The following CTNNA3 variants were observed in gnomAD, a reference collection of about 807,000 sequenced individuals.
CTNNA3 encodes catenin alpha-3.
A neutral mutation model predicts 95.7 loss-of-function variants in CTNNA3; 76 were observed. The ratio of observed to expected loss-of-function variants is 0.79; its 90% CI spans 0.66 to 0.96. The LOEUF is 0.96. Among genes scored for constraint, CTNNA3 ranks in the 40% least tolerant of loss-of-function variants. The pLI is 0.00. For missense variants in CTNNA3, 1,191 were observed against 1,089.8 expected, an observed-to-expected ratio of 1.09 and a Z score of -1.31; for synonymous variants, 431 against 374.4, an observed-to-expected ratio of 1.15 and a Z score of -1.74.
At chr10:67,630,149 T>G (rs16924713) in intron 2 of CTNNA3, among the ~76,000 whole-genome samples, 20,206 of 152,094 alleles carry the variant, frequency 0.13, 2,410 homozygotes, top group African/African-American at 0.32. Flanking sequence ...GAGAGCATTA[T>G]GGAGACTTAA....
At chr10:66,313,040 G>A (rs1469171912) in intron 12 of CTNNA3, among the ~76,000 whole-genome samples, 1 of 152,278 alleles carries the variant, frequency 6.6e-6, no homozygotes, top group East Asian at 1.9e-4. Context: ...CCGGACGAAG[G>A]AAAAGGAAGA....
At chr10:66,354,148 G>A (rs2092589167) in intron 12 of CTNNA3, among the ~76,000 whole-genome samples, 1 of 152,022 alleles carries the variant, frequency 6.6e-6, no homozygotes, top group South Asian at 2.1e-4. Flanking sequence ...GCTGGGCATG[G>A]TGGCGGGCGC....
At chr10:67,375,929 C>T (rs533877575) in intron 5 of CTNNA3, among the ~76,000 whole-genome samples, 3 of 152,074 alleles carry the variant, frequency 2.0e-5, no homozygotes, top group African/African-American at 4.8e-5. Context: ...TTCAGGAAGG[C>T]GGAACCCTTA....
At chr10:66,193,850 A>G (rs1041387148) in intron 13 of CTNNA3, among the ~76,000 whole-genome samples, 3 of 152,166 alleles carry the variant, frequency 2.0e-5, no homozygotes, top group African/African-American at 7.2e-5. Context: ...TACTCATTGA[A>G]ATCAATAAGA....
chr10:66,978,400 G>A (rs567783048), intron 7 of CTNNA3, among the ~76,000 whole-genome samples: 116 of 150,868 alleles, frequency 7.7e-4, no homozygotes, highest in Non-Finnish European at 4.0e-4. Flanking sequence ...GGTGGTGGGC[G>A]CCTGTAATCC....
intron 11 of CTNNA3, among the ~76,000 whole-genome samples, chr10:66,504,366 G>T (rs1375930179): frequency 1.3e-5 from 2 of 152,110 alleles, no homozygotes; most frequent in East Asian, 3.9e-4. Context: ...GGTTTTTACC[G>T]GTTTGTTAAA....
At chr10:66,387,341 A>G (rs962478861) in intron 11 of CTNNA3, among the ~76,000 whole-genome samples, 2 of 152,240 alleles carry the variant, frequency 1.3e-5, no homozygotes, top group African/African-American at 4.8e-5. Context: ...GACACATGAA[A>G]AAATGCTCGT....
At chr10:66,820,913 A>T (rs1348088599) in intron 7 of CTNNA3, among the ~76,000 whole-genome samples, 1 of 152,164 alleles carries the variant, frequency 6.6e-6, no homozygotes, top group African/African-American at 2.4e-5. Flanking sequence ...TCCCTCTGGT[A>T]TATACAAAAG....
At chr10:67,170,567 CA>C (rs1016158898) in intron 7 of CTNNA3, among the ~76,000 whole-genome samples, 1 of 152,044 alleles carries the variant, frequency 6.6e-6, no homozygotes, top group Admixed American at 6.6e-5. Flanking sequence ...AGCTAAATGA[CA>C]AGAACTTATA....
chr10:67,726,516 ATATTATAT>A (rs1841224644), intron 1 of CTNNA3, among the ~76,000 whole-genome samples: 1 of 65,954 alleles, frequency 1.5e-5, no homozygotes, highest in African/African-American at 6.5e-5. Flanking sequence ...ATTATATATT[ATATTATAT>A]TATATATATT....
intron 7 of CTNNA3, among the ~76,000 whole-genome samples, chr10:66,978,087 C>G (rs1564808065): frequency 6.6e-6 from 1 of 151,134 alleles, no homozygotes; most frequent in African/African-American, 2.4e-5. Context: ...CACACACACA[C>G]ACACATGCGA....
intron 8 of CTNNA3, among the ~76,000 whole-genome samples, chr10:66,770,714 A>G (rs531861133): frequency 1.3e-5 from 2 of 152,262 alleles, no homozygotes; most frequent in Non-Finnish European, 2.9e-5. Context: ...ATAAAGGAAC[A>G]GAAAGAATGA....
chr10:66,075,155 C>T (rs1028079743), intron 14 of CTNNA3, among the ~76,000 whole-genome samples: 11 of 151,700 alleles, frequency 7.3e-5, no homozygotes, highest in Non-Finnish European at 3.0e-5. Flanking sequence ...TTCATATCTG[C>T]TTATTAATTG....
chr10:67,446,929 C>G (rs1259196196), intron 5 of CTNNA3, among the ~76,000 whole-genome samples: 2 of 152,130 alleles, frequency 1.3e-5, no homozygotes, highest in African/African-American at 2.4e-5. Context: ...CACGGTGAAA[C>G]CCCGTCTCTC....
At chr10:65,990,565 TG>T (rs2133333111) in intron 15 of CTNNA3, among the ~76,000 whole-genome samples, 1 of 151,872 alleles carries the variant, frequency 6.6e-6, no homozygotes, top group South Asian at 2.1e-4. Flanking sequence ...GCCCGCTTTT[TG>T]ATGGGATTAT....
chr10:65,948,296 A>AAG (rs2077554821), intron 17 of CTNNA3, among the ~76,000 whole-genome samples: 3 of 141,280 alleles, frequency 2.1e-5, no homozygotes, highest in South Asian at 2.3e-4. Flanking sequence ...AAAAAAAAAA[A>AAG]AAAGAAAGAA....
chr10:66,071,037 G>A lies in CTNNA3; in HGVS notation c.1978-1548C>T, dbSNP rs139036161. Among the ~76,000 whole-genome samples the A allele has an allele frequency of 9.1e-3, 1,393 of 152,256 alleles. 6 individuals carry two copies. Among genetic ancestry groups the A allele is most frequent in the Middle Eastern group, 0.048 (14 of 294 alleles). On this transcript the variant is annotated intron_variant, in intron 14 of 17. Coordinates refer to ENST00000433211, the MANE Select transcript of CTNNA3 (RefSeq NM_013266.4). ...CTGACACCTTTGCAGAAGGTTTTAA[G>A]TGCTTCTATGATTTATTATATGTCA...
intron 7 of CTNNA3, among the ~76,000 whole-genome samples, chr10:66,809,179 T>C (rs1168126662): frequency 6.6e-6 from 1 of 152,166 alleles, no homozygotes; most frequent in Non-Finnish European, 1.5e-5. Context: ...TTGTATTATG[T>C]GGTATGTGTG....
At chr10:67,565,030 TC>T (rs567556400) in intron 3 of CTNNA3, among the ~76,000 whole-genome samples, 1,598 of 119,734 alleles carry the variant, frequency 0.013, 23 homozygotes, top group African/African-American at 0.059. Context: ...ATGCCCACTT[TC>T]GCCATTCCTA....
Sources: gnomAD v4.1 joint callset for allele counts (sites outside exome capture counted in the v4.1 genomes callset) on GRCh38, gnomAD v4.1.1 for gene constraint, MANE v1.5 for transcripts, NCBI Gene and HGNC (gene_info 2026-07-23, HGNC 2026-07-21) for gene names.